Variants in THRB observed in about 807,000 individuals in gnomAD.
THRB encodes thyroid hormone receptor beta, also known as nuclear receptor subfamily 1 group A member 2.
A neutral mutation model predicts 47.8 loss-of-function variants in THRB; 12 were observed. The observed-to-expected ratio is 0.25, with a 90% confidence interval of 0.16 to 0.41. The LOEUF is 0.41. Ranked by LOEUF, THRB falls within the 10% of genes least tolerant of loss-of-function variation. The pLI, the probability that THRB is intolerant of heterozygous loss-of-function variation, is 1.00. For missense variants in THRB, 348 were observed against 589.2 expected (o/e 0.59, Z 4.24); for synonymous variants, 218 against 212.2 (o/e 1.03, Z -0.24).
chr3:24,233,672 G>A (rs73144458), intron 3 of THRB, among the ~76,000 whole-genome samples: 1,641 of 152,194 alleles, frequency 0.011, 29 homozygotes, highest in African/African-American at 0.038. Flanking sequence ...ATTTTAAGAA[G>A]GATGTCTCAT....
intron 1 of THRB, among the ~76,000 whole-genome samples, chr3:24,408,223 A>C (rs898563380): frequency 6.6e-6 from 1 of 151,900 alleles, no homozygotes; most frequent in Admixed American, 6.6e-5. Flanking sequence ...ATTTTCTCTT[A>C]GAAGTGAATA....
chr3:24,485,273 C>G (rs908807097), intron 1 of THRB, among the ~76,000 whole-genome samples: 1 of 152,176 alleles, frequency 6.6e-6, no homozygotes, highest in Non-Finnish European at 1.5e-5. Flanking sequence ...TAAAGAGAAT[C>G]TATCATGTAA....
At chr3:24,287,307 A>G (rs2055412787) in intron 3 of THRB, among the ~76,000 whole-genome samples, 1 of 152,218 alleles carries the variant, frequency 6.6e-6, no homozygotes, top group Non-Finnish European at 1.5e-5. Flanking sequence ...GACTTAAAAG[A>G]CTTCAATTTA....
At chr3:24,434,791 C>T (rs2070775375) in intron 1 of THRB, among the ~76,000 whole-genome samples, 1 of 152,080 alleles carries the variant, frequency 6.6e-6, no homozygotes, top group African/African-American at 2.4e-5. Flanking sequence ...TGCAGAGAGG[C>T]TTCCTCTAAA....
At chr3:24,293,045 G>A (rs2056102498) in intron 3 of THRB, among the ~76,000 whole-genome samples, 1 of 151,894 alleles carries the variant, frequency 6.6e-6, no homozygotes, top group Non-Finnish European at 1.5e-5. Context: ...ATAATTTTTT[G>A]CACCTGCTAC....
At chr3:24,191,233 A>T (rs1025030254) in intron 4 of THRB, among the ~76,000 whole-genome samples, 3 of 143,772 alleles carry the variant, frequency 2.1e-5, no homozygotes, top group Non-Finnish European at 4.5e-5. Flanking sequence ...GGATATAGAG[A>T]GCAAAAATGA....
At chr3:24,467,045 C>T (rs1251786578) in intron 1 of THRB, among the ~76,000 whole-genome samples, 1 of 152,176 alleles carries the variant, frequency 6.6e-6, no homozygotes, top group East Asian at 1.9e-4. Flanking sequence ...AAAACCTTGC[C>T]ACTGCTATAT....
chr3:24,458,365 G>A (rs1164830170), intron 1 of THRB: 2 of 152,040 alleles, frequency 1.3e-5, no homozygotes, highest in Admixed American at 6.6e-5. Context: ...AATATTTGAG[G>A]TAATCTCTGA....
chr3:24,127,935 A>G (rs1043022426), intron 9 of THRB, among the ~76,000 whole-genome samples, 178 bp from the exon 10 acceptor site: 2 of 152,176 alleles, frequency 1.3e-5, no homozygotes, highest in Non-Finnish European at 2.9e-5. Flanking sequence ...ACCATTTTTC[A>G]TACTCAAAGT....
At chr3:24,430,498 G>A (rs758092049) in intron 1 of THRB, among the ~76,000 whole-genome samples, 10 of 151,870 alleles carry the variant, frequency 6.6e-5, no homozygotes, top group Admixed American at 1.3e-4. Flanking sequence ...ATGCTTAAAC[G>A]TAAAGACAAC....
chr3:24,281,230 G>T (rs2054560696), intron 3 of THRB, among the ~76,000 whole-genome samples: 1 of 152,154 alleles, frequency 6.6e-6, no homozygotes, highest in South Asian at 2.1e-4. Flanking sequence ...CAGACTAACA[G>T]CAGATCTCTC....
At chr3:24,193,550 G>T (rs1039544695) in intron 4 of THRB, among the ~76,000 whole-genome samples, 3 of 152,164 alleles carry the variant, frequency 2.0e-5, no homozygotes, top group Non-Finnish European at 2.9e-5. Flanking sequence ...GTCATCCATT[G>T]TTTTGAGGTC....
At chr3:24,434,092 G>A (rs1256701251) in intron 1 of THRB, among the ~76,000 whole-genome samples, 1 of 151,986 alleles carries the variant, frequency 6.6e-6, no homozygotes, top group African/African-American at 2.4e-5. Context: ...ACTGCTCCTA[G>A]GTTATCTTTA....
intron 4 of THRB, among the ~76,000 whole-genome samples, chr3:24,208,940 G>T (rs55633713): frequency 5.1e-4 from 77 of 152,090 alleles, no homozygotes; most frequent in Middle Eastern, 3.4e-3. Flanking sequence ...TGCAATCTAC[G>T]CATCTGACAA....
In THRB at chr3:24,211,956, A is replaced by C. The variant is rs193263511; in HGVS notation, c.22+16982T>G. 1.2e-4 allele frequency among the ~76,000 whole-genome samples: 18 copies of C among 152,278 alleles called. 1 individual carries two copies. Among genetic ancestry groups the C allele is most frequent in the African/African-American group, 4.3e-4 (18 of 41,570 alleles). The stretch of plus-strand genomic sequence containing the variant: ...AGGACCTTATTACCACACCAGTTCA[A>C]CTTTATTTATAGAAAAGGAAATTGA... On this transcript the variant is annotated intron_variant, in intron 4 of 10. Transcript: ENST00000646209.
intron 1 of THRB, among the ~76,000 whole-genome samples, chr3:24,449,152 T>A (rs2072395972): frequency 6.6e-6 from 1 of 152,186 alleles, no homozygotes; most frequent in Non-Finnish European, 1.5e-5. Context: ...TCTTCAGAAA[T>A]GATTATTAAA....
At chr3:24,255,150 A>G (rs528941530) in intron 3 of THRB, among the ~76,000 whole-genome samples, 43 of 152,256 alleles carry the variant, frequency 2.8e-4, no homozygotes, top group Non-Finnish European at 4.4e-4. Context: ...GTCTGTAAAC[A>G]TTCATCCCAT....
intron 5 of THRB, among the ~76,000 whole-genome samples, chr3:24,176,460 A>C (rs1196560810): frequency 6.6e-6 from 1 of 152,196 alleles, no homozygotes; most frequent in Admixed American, 6.5e-5. Context: ...TGAACAATTG[A>C]ATCACCTGCA....
intron 3 of THRB, among the ~76,000 whole-genome samples, chr3:24,242,671 C>T (rs2049668430): frequency 6.6e-6 from 1 of 152,180 alleles, no homozygotes; most frequent in Admixed American, 6.5e-5. Flanking sequence ...GAGTGAATCA[C>T]ATACCTTCTT....
Sources: gnomAD v4.1 joint callset for allele counts (sites outside exome capture counted in the v4.1 genomes callset) on GRCh38, gnomAD v4.1.1 for gene constraint, MANE v1.5 for transcripts, NCBI Gene and HGNC (gene_info 2026-07-23, HGNC 2026-07-21) for gene names.